PPP2R5A: variants seen among roughly 807,000 people sequenced by gnomAD.
PPP2R5A encodes protein phosphatase 2 regulatory subunit B'alpha.
In PPP2R5A, 25 loss-of-function variants were observed where a neutral mutation model predicts 64.2. The observed-to-expected ratio is 0.39, with a 90% CI of 0.28 to 0.54. The LOEUF (loss-of-function observed/expected upper bound fraction) is 0.54. PPP2R5A is among the 20% of genes least tolerant of loss of function. The pLI, the probability that PPP2R5A is intolerant of heterozygous loss-of-function variation, is 0.67. For synonymous variants in PPP2R5A, 198 were observed against 201.2 expected (o/e 0.98, Z 0.13); for missense variants, 425 against 576.3 (o/e 0.74, Z 2.69).
At chr1:212,358,487 T>C (rs1660023715) in intron 11 of PPP2R5A, 199 bp from the exon 12 acceptor site, 3 of 361,536 alleles carry the variant, frequency 8.3e-6, no homozygotes, top group Non-Finnish European at 1.5e-5. Context: ...GGAAAAGATT[T>C]AAGTTTTCTT....
chr1:212,293,892 A>G (rs576791075), intron 1 of PPP2R5A, among the ~76,000 whole-genome samples: 3 of 152,190 alleles, frequency 2.0e-5, no homozygotes, highest in Non-Finnish European at 4.4e-5. Flanking sequence ...TTGGGAATTG[A>G]TTTCACTCTT....
chr1:212,330,861 A>AT (rs955195787), intron 2 of PPP2R5A, among the ~76,000 whole-genome samples: 2,458 of 146,742 alleles, frequency 0.017, 69 homozygotes, highest in African/African-American at 0.055. Context: ...TCAAAAAAAA[A>AT]TTTTTTTTTT....
At position 212,313,088 on chromosome 1, in the gene PPP2R5A, A is replaced by C. The variant is rs1659069084; in HGVS notation, c.182-16047A>C. 2.0e-5 allele frequency among the ~76,000 whole-genome samples: 3 copies of C among 152,146 alleles called. No individual in the cohort carries two copies. The South Asian group carries it at 6.2e-4, about 32-fold the overall frequency. Reference sequence around the variant, plus strand: ...CCTATCTCTAGTCTTTATTTTGCTCATTAAATCTGTTGTTCTTTTAGGGTT... The same window carrying C: ...CCTATCTCTAGTCTTTATTTTGCTCCTTAAATCTGTTGTTCTTTTAGGGTT... On this transcript the variant is annotated intron_variant, in intron 1 of 12. Coordinates refer to ENST00000261461, the MANE Select transcript of PPP2R5A (RefSeq NM_006243.4).
chr1:212,332,878 C>T (rs978540374), intron 2 of PPP2R5A, among the ~76,000 whole-genome samples: 6 of 151,910 alleles, frequency 3.9e-5, no homozygotes, highest in African/African-American at 9.7e-5. Flanking sequence ...TCTCCCTTTC[C>T]CTTCTTTCTT....
At chr1:212,304,580 G>A (rs931870844) in intron 1 of PPP2R5A, among the ~76,000 whole-genome samples, 8 of 151,918 alleles carry the variant, frequency 5.3e-5, no homozygotes, top group South Asian at 4.2e-4. Flanking sequence ...ATGGGGTCTC[G>A]CTATGTTGCC....
rs567744845 is a variant in PPP2R5A, at chr1:212,309,174, C to G, written c.182-19961C>G. ...CCTTGGCCACATTGGTGTCATAGAG[C>G]TTCTTCACAGCCTGTTTAATCTGGT... is the stretch of plus-strand genomic sequence containing the variant. On this transcript the variant is annotated intron_variant, in intron 1 of 12. Coordinates refer to ENST00000261461, the MANE Select transcript of PPP2R5A (RefSeq NM_006243.4). 7.6e-5 allele frequency: 101 copies of G among 1,323,668 alleles called. 1 individual carries two copies. The South Asian group carries it at 1.0e-3, about 14-fold the overall frequency. 82.0% of individuals were successfully genotyped at this position (1,323,668 alleles called of 1,614,324 possible). A position where few individuals can be genotyped will look rare whatever the true frequency, so the allele number is the denominator to read the frequency against.
chr1:212,295,938 A>G (rs553640986), intron 1 of PPP2R5A, among the ~76,000 whole-genome samples: 15 of 152,344 alleles, frequency 9.8e-5, no homozygotes, highest in African/African-American at 3.4e-4. Flanking sequence ...AAAAATTACT[A>G]TAGCTACTGG....
At chr1:212,289,596 A>C (rs886585016) in intron 1 of PPP2R5A, among the ~76,000 whole-genome samples, 6 of 152,108 alleles carry the variant, frequency 3.9e-5, no homozygotes, top group African/African-American at 1.4e-4. Flanking sequence ...GTCAAAGGTA[A>C]ATTTTTAATC....
intron 12 of PPP2R5A, among the ~76,000 whole-genome samples, chr1:212,359,708 A>G (rs193283240): frequency 1.3e-5 from 2 of 152,320 alleles, no homozygotes. Flanking sequence ...CTTAAAGTAG[A>G]AAATGGATAG....
At chr1:212,309,110 A>G (rs1658975847) in intron 1 of PPP2R5A, 2 of 953,384 alleles carry the variant, frequency 2.1e-6, no homozygotes, top group South Asian at 2.6e-5. Flanking sequence ...AGTCAAACAT[A>G]TGCCTTCTTC....
chr1:212,307,255 T>C (rs1440750123), intron 1 of PPP2R5A, among the ~76,000 whole-genome samples: 3 of 152,032 alleles, frequency 2.0e-5, no homozygotes, highest in African/African-American at 7.2e-5. Context: ...TACATATTTT[T>C]GAGAGTTTTT....
chr1:212,296,081 T>C (rs1469395551), intron 1 of PPP2R5A, among the ~76,000 whole-genome samples: 1 of 152,008 alleles, frequency 6.6e-6, no homozygotes, highest in Non-Finnish European at 1.5e-5. Context: ...ATTTGAGATA[T>C]ATCTTAGATA....
Position 212,351,778 on chromosome 1 carries a change from C to G in PPP2R5A, c.927+2536C>G, listed in dbSNP as rs941478971. Among the ~76,000 whole-genome samples the G allele has an allele frequency of 5.3e-5, 8 of 152,094 alleles. No individual in the cohort carries two copies. In the South Asian group the frequency reaches 1.7e-3, roughly 32 times the overall value. On this transcript the variant is annotated intron_variant, in intron 8 of 12. Coordinates refer to ENST00000261461, the MANE Select transcript of PPP2R5A (RefSeq NM_006243.4). ...AGAATTAACTAAATATTCATTACAG[C>G]TAAGTTTCCATGTAAAGAGGAAAAA...
At position 212,286,087 on chromosome 1, in the gene PPP2R5A, C is replaced by T; in HGVS notation, c.-24C>T. 1.3e-6 allele frequency: 2 copies of T among 1,527,662 alleles called. No homozygotes were observed. Among genetic ancestry groups the T allele is most frequent in the Non-Finnish European group, 1.8e-6 (2 of 1,141,204 alleles). 94.6% of individuals were successfully genotyped at this position (1,527,662 alleles called of 1,614,324 possible). A position where few individuals can be genotyped will look rare whatever the true frequency, so the allele number is the denominator to read the frequency against. On this transcript the variant is annotated 5_prime_UTR_variant, in exon 1 of 13. Coordinates refer to ENST00000261461, the MANE Select transcript of PPP2R5A (RefSeq NM_006243.4). The stretch of plus-strand genomic sequence containing the variant: ...CGTGCCTTGCAAGCAGCAGCCGGAG[C>T]TGCCAAGCGTCAGGGCCGCGGAGAT...
At chr1:212,310,621 A>T (rs1362865917) in intron 1 of PPP2R5A, among the ~76,000 whole-genome samples, 4 of 152,246 alleles carry the variant, frequency 2.6e-5, no homozygotes, top group African/African-American at 9.6e-5. Context: ...TGGGAGCAGC[A>T]GCCCGAGGTC....
chr1:212,310,008 A>G (rs1658998919), intron 1 of PPP2R5A, among the ~76,000 whole-genome samples: 1 of 152,182 alleles, frequency 6.6e-6, no homozygotes, highest in Non-Finnish European at 1.5e-5. Flanking sequence ...CATACTTTGT[A>G]AAGCCTCTGA....
At chr1:212,287,207 T>G (rs1041356022) in intron 1 of PPP2R5A, among the ~76,000 whole-genome samples, 1 of 152,254 alleles carries the variant, frequency 6.6e-6, no homozygotes, top group Admixed American at 6.5e-5. Context: ...GTTTATTCTT[T>G]GTGTATTACT....
intron 3 of PPP2R5A, among the ~76,000 whole-genome samples, chr1:212,334,519 C>T (rs1659558928): frequency 6.6e-6 from 1 of 152,118 alleles, no homozygotes; most frequent in African/African-American, 2.4e-5. Flanking sequence ...GTTTCGAACA[C>T]CTGAGCTCAA....
chr1:212,320,689 C>T (rs1659261582), intron 1 of PPP2R5A, among the ~76,000 whole-genome samples: 2 of 116,138 alleles, frequency 1.7e-5, no homozygotes, highest in Middle Eastern at 4.3e-3. Context: ...GGGGGGCTGA[C>T]CCCCCCACCT....
Sources: allele counts gnomAD v4.1 joint callset (sites outside exome capture counted in the v4.1 genomes callset), GRCh38; gene constraint gnomAD v4.1.1; transcripts MANE v1.5; gene names NCBI Gene and HGNC (gene_info 2026-07-23, HGNC 2026-07-21).